Variants in UGGT2 observed in about 807,000 individuals in gnomAD.
UGGT2 encodes UDP-glucose glycoprotein glucosyltransferase 2, also known as UDP-glucose:glycoprotein glucosyltransferase 2.
In UGGT2, 180 loss-of-function variants were observed where a neutral mutation model predicts 192.1. That is an observed-to-expected ratio of 0.94 (90% CI 0.83 to 1.06). UGGT2 has a LOEUF of 1.06. Among genes scored for constraint, UGGT2 ranks in the 50% least tolerant of loss-of-function variants. The pLI is 0.00. For synonymous variants in UGGT2, 580 were observed against 591.0 expected (o/e 0.98, Z 0.27); for missense variants, 1,849 against 1,795.7 (o/e 1.03, Z -0.54).
At chr13:95,899,818 T>C (rs1703157403) in intron 22 of UGGT2, among the ~76,000 whole-genome samples, 1 of 152,156 alleles carries the variant, frequency 6.6e-6, no homozygotes, top group African/African-American at 2.4e-5. Context: ...CAATACTTTT[T>C]ACAATAAATG....
At chr13:95,903,941 TC>T (rs2048189899) in intron 20 of UGGT2, among the ~76,000 whole-genome samples, 1 of 152,228 alleles carries the variant, frequency 6.6e-6, no homozygotes. Context: ...GTTTTAATTT[TC>T]TTTTCTCTTA....
chr13:95,853,702 G>A, intron 35 of UGGT2, 45 bp from the exon 36 acceptor site: 1 of 1,371,840 alleles, frequency 7.3e-7, no homozygotes, highest in Non-Finnish European at 9.8e-7. Context: ...TGTTTATGTA[G>A]TTTTAGTTTT....
chr13:95,854,506 G>C, intron 34 of UGGT2, 31 bp from the exon 35 acceptor site: 1 of 1,545,586 alleles, frequency 6.5e-7, no homozygotes, highest in Non-Finnish European at 8.7e-7. Flanking sequence ...GTCTGATAAA[G>C]ACTGTAAAAT....
intron 30 of UGGT2, among the ~76,000 whole-genome samples, chr13:95,866,445 T>C (rs944303589): frequency 3.3e-5 from 5 of 152,176 alleles, no homozygotes; most frequent in Admixed American, 3.3e-4. Context: ...CTTAGGCTAT[T>C]GTAATCTTAT....
Position 95,833,037 on chromosome 13 carries a change from GT to G in UGGT2, c.4417del (p.Thr1473GlnfsTer6). ...KTIDLCNNPK[T>X]KESKLKAAAR... is the part of the protein sequence containing the mutation. ...AGCAGCTTTTAGTTTGGATTCTTTT[GT>G]TTTGGGATTATTGCACTAAAAGTTT... On this transcript the variant is annotated frameshift_variant, in exon 38 of 39. Transcript: ENST00000376747. LOFTEE classifies it high-confidence loss of function. 6.2e-7 allele frequency: 1 copy of G among 1,612,014 alleles called. No individual in the cohort carries two copies. The highest frequency in any genetic ancestry group is 1.1e-5 in the South Asian group (1 of 90,990).
intron 12 of UGGT2, among the ~76,000 whole-genome samples, chr13:95,958,155 A>G (rs1036936256): frequency 4.8e-5 from 7 of 145,692 alleles, no homozygotes; most frequent in Admixed American, 3.4e-4. Context: ...AGAAGGCAGA[A>G]TTTTTTTTTT....
At chr13:95,944,836 T>G (rs1472608783) in intron 15 of UGGT2, among the ~76,000 whole-genome samples, 1 of 152,042 alleles carries the variant, frequency 6.6e-6, no homozygotes, top group Non-Finnish European at 1.5e-5. Context: ...AAGTGTATTG[T>G]TAAAATCTTA....
At chr13:96,031,221 TAA>T (rs1849899013) in intron 2 of UGGT2, among the ~76,000 whole-genome samples, 1 of 152,112 alleles carries the variant, frequency 6.6e-6, no homozygotes, top group Admixed American at 6.5e-5. Context: ...CTAAAAAAAT[TAA>T]GTCTACTTTT....
chr13:96,018,133 C>G (rs2052395467), intron 4 of UGGT2, among the ~76,000 whole-genome samples: 1 of 152,194 alleles, frequency 6.6e-6, no homozygotes, highest in African/African-American at 2.4e-5. Flanking sequence ...GAATAGTAAA[C>G]TGATTCTTCA....
At chr13:95,883,841 T>C (rs1489337811) in intron 27 of UGGT2, among the ~76,000 whole-genome samples, 2 of 152,130 alleles carry the variant, frequency 1.3e-5, no homozygotes, top group Non-Finnish European at 2.9e-5. Context: ...GAATTCCTTT[T>C]CTCATTCTAG....
At chr13:95,835,771 AAT>A (rs2139902785) in intron 37 of UGGT2, among the ~76,000 whole-genome samples, 1 of 152,350 alleles carries the variant, frequency 6.6e-6, no homozygotes, top group East Asian at 1.9e-4. Flanking sequence ...GTAGTAGTGG[AAT>A]ATAAAATCTA....
intron 34 of UGGT2, among the ~76,000 whole-genome samples, chr13:95,855,367 T>C (rs1181322230): frequency 6.6e-6 from 1 of 152,002 alleles, no homozygotes; most frequent in Non-Finnish European, 1.5e-5. Context: ...TACATATTAC[T>C]TTTTTCTTAG....
chr13:95,905,903 G>C (rs546833371), intron 20 of UGGT2, among the ~76,000 whole-genome samples: 1 of 152,054 alleles, frequency 6.6e-6, no homozygotes, highest in African/African-American at 2.4e-5. Flanking sequence ...ACGTGAAAAG[G>C]GGGAAGTGTC....
chr13:96,049,586 T>C (rs2053425289), intron 1 of UGGT2, among the ~76,000 whole-genome samples: 1 of 152,194 alleles, frequency 6.6e-6, no homozygotes, highest in African/African-American at 2.4e-5. Context: ...AACCCCATCA[T>C]CTCAGCCCAA....
chr13:95,939,294 G>A (rs1306098495), intron 16 of UGGT2, among the ~76,000 whole-genome samples: 1 of 152,094 alleles, frequency 6.6e-6, no homozygotes, highest in African/African-American at 2.4e-5. Flanking sequence ...CCTGCTTCAG[G>A]ATTCTGCTTA....
At chr13:96,012,340 A>G (rs946421194) in intron 5 of UGGT2, among the ~76,000 whole-genome samples, 1 of 152,046 alleles carries the variant, frequency 6.6e-6, no homozygotes, top group African/African-American at 2.4e-5. Context: ...CTTACAAGAG[A>G]ATGTCCTTAT....
intron 20 of UGGT2, among the ~76,000 whole-genome samples, chr13:95,911,555 T>C (rs1473664899): frequency 2.0e-5 from 3 of 152,244 alleles, no homozygotes; most frequent in Admixed American, 6.5e-5. Context: ...AATCTCTGAA[T>C]AGACAAATAA....
intron 5 of UGGT2, among the ~76,000 whole-genome samples, chr13:95,999,587 T>C (rs935299407): frequency 5.9e-5 from 9 of 152,228 alleles, no homozygotes; most frequent in African/African-American, 1.2e-4. Context: ...TTTCCTGTTA[T>C]AACATGTCTT....
rs1033580148 is a variant in UGGT2 at position 96,025,559 on chromosome 13, C to T, written c.242-1800G>A. On this transcript the variant is annotated intron_variant, in intron 2 of 38. Transcript: ENST00000376747. Reference sequence around the variant, plus strand: ...AGTCTCAGAGTTTAGTTCAATAGGTCCTGGCTGATATAAAGAAGCTATGAA... The same window carrying T: ...AGTCTCAGAGTTTAGTTCAATAGGTTCTGGCTGATATAAAGAAGCTATGAA... 5.3e-5 allele frequency among the ~76,000 whole-genome samples: 8 copies of T among 152,276 alleles called. No homozygotes were observed. In the East Asian group the frequency reaches 9.7e-4, roughly 18 times the overall value.
Sources: gnomAD v4.1 joint callset for allele counts (sites outside exome capture counted in the v4.1 genomes callset) on GRCh38, gnomAD v4.1.1 for gene constraint, MANE v1.5 for transcripts, NCBI Gene and HGNC (gene_info 2026-07-23, HGNC 2026-07-21) for gene names.